The following CERS6 variants were observed in gnomAD, a reference collection of about 807,000 sequenced individuals.
CERS6 encodes ceramide synthase 6, also known as LAG1 homolog, ceramide synthase 6.
In CERS6, 26 loss-of-function variants were observed where a neutral mutation model predicts 56.8. The ratio of observed to expected loss-of-function variants is 0.46; its 90% CI spans 0.34 to 0.63. The LOEUF is 0.63. Ranked by LOEUF, CERS6 falls within the 30% of genes least tolerant of loss-of-function variation. The pLI, the probability that CERS6 is intolerant of heterozygous loss-of-function variation, is 0.01. For synonymous variants in CERS6, 164 were observed against 173.3 expected, an observed-to-expected ratio of 0.95 and a Z score of 0.42; for missense variants, 415 against 467.5, an observed-to-expected ratio of 0.89 and a Z score of 1.04.
intron 4 of CERS6, among the ~76,000 whole-genome samples, chr2:168,655,692 A>G (rs1189724113): frequency 1.3e-5 from 2 of 152,256 alleles, no homozygotes; most frequent in Non-Finnish European, 2.9e-5. Flanking sequence ...TACAGAGAAT[A>G]AAACAGCAGC....
chr2:168,714,152 C>G (rs1192322651), intron 6 of CERS6, among the ~76,000 whole-genome samples: 1 of 152,140 alleles, frequency 6.6e-6, no homozygotes, highest in Non-Finnish European at 1.5e-5. Context: ...TCTGGGGTCC[C>G]TTTTACAAGG....
intron 2 of CERS6, among the ~76,000 whole-genome samples, chr2:168,556,385 T>C (rs932463023): frequency 1.3e-5 from 2 of 152,156 alleles, no homozygotes; most frequent in Non-Finnish European, 2.9e-5. Flanking sequence ...TACATCACAC[T>C]CCATGGATGC....
intron 4 of CERS6, among the ~76,000 whole-genome samples, chr2:168,669,192 A>G (rs1685845961): frequency 1.3e-5 from 2 of 152,256 alleles, no homozygotes; most frequent in African/African-American, 4.8e-5. Flanking sequence ...CCACATTGGT[A>G]CACAGCTTCT....
At chr2:168,493,026 A>G (rs1466532524) in intron 1 of CERS6, among the ~76,000 whole-genome samples, 1 of 152,116 alleles carries the variant, frequency 6.6e-6, no homozygotes, top group East Asian at 1.9e-4. Context: ...TTTAGAATGT[A>G]TACTTCTGTC....
chr2:168,604,087 A>AGTCATTC (rs1683995832), intron 3 of CERS6, among the ~76,000 whole-genome samples: 2 of 152,346 alleles, frequency 1.3e-5, no homozygotes, highest in South Asian at 4.1e-4. Context: ...TGTTTGAGGG[A>AGTCATTC]GTCATTCTCA....
At chr2:168,742,103 G>T (rs1183956214) in intron 8 of CERS6, among the ~76,000 whole-genome samples, 2 of 152,186 alleles carry the variant, frequency 1.3e-5, no homozygotes, top group African/African-American at 4.8e-5. Flanking sequence ...CATTTCATTG[G>T]TGTTGCAGTT....
At position 168,709,746 on chromosome 2, in the gene CERS6, T is replaced by C. The variant is rs1687042441; in HGVS notation, c.610-5255T>C. Among the ~76,000 whole-genome samples the C allele has an allele frequency of 2.0e-5, 3 of 152,190 alleles. 1 individual carries two copies. The South Asian group carries it at 6.2e-4, about 31-fold the overall frequency. ...TTTCAGCCATGACTGTGTCTATGTG[T>C]GCACTAATCACTTTCAGCAGTTGCA... On this transcript the variant is annotated intron_variant, in intron 6 of 9. Coordinates refer to ENST00000305747, the MANE Select transcript of CERS6 (RefSeq NM_203463.3).
At chr2:168,722,240 T>C (rs1683201989) in intron 8 of CERS6, among the ~76,000 whole-genome samples, 1 of 152,240 alleles carries the variant, frequency 6.6e-6, no homozygotes, top group African/African-American at 2.4e-5. Context: ...TACTGAGGGT[T>C]GTCTTTCACT....
At chr2:168,695,141 C>G in intron 6 of CERS6, 90 bp downstream of exon 6, 1 of 917,834 alleles carries the variant, frequency 1.1e-6, no homozygotes, top group Non-Finnish European at 1.8e-6. Context: ...GCACTCACCC[C>G]TGTTCTCCTG....
chr2:168,649,213 C>T (rs1469953043), intron 4 of CERS6, among the ~76,000 whole-genome samples: 2 of 152,088 alleles, frequency 1.3e-5, no homozygotes, highest in Non-Finnish European at 2.9e-5. Context: ...TGATCCTCTC[C>T]CTGGCCCTCC....
intron 1 of CERS6, among the ~76,000 whole-genome samples, chr2:168,533,830 C>G (rs1387991542): frequency 1.3e-5 from 2 of 152,040 alleles, no homozygotes; most frequent in African/African-American, 4.8e-5. Context: ...TTCCATTCTC[C>G]CCATGTCCTT....
intron 2 of CERS6, 100 bp from the exon 3 acceptor site, chr2:168,561,092 T>C (rs1457226681): frequency 1.6e-5 from 20 of 1,282,112 alleles, no homozygotes; most frequent in Non-Finnish European, 2.1e-5. Flanking sequence ...TAGTAAACAA[T>C]AGGGGGAAAA....
At chr2:168,600,214 T>C (rs200868655) in intron 3 of CERS6, among the ~76,000 whole-genome samples, 1 of 73,860 alleles carries the variant, frequency 1.4e-5, no homozygotes, top group African/African-American at 4.3e-5. Context: ...CTCTCTCTTT[T>C]TTTTTTTTTA....
chr2:168,724,315 C>A (rs1683277659), intron 8 of CERS6, among the ~76,000 whole-genome samples: 1 of 152,132 alleles, frequency 6.6e-6, no homozygotes, highest in Non-Finnish European at 1.5e-5. Context: ...AGTGTTACAG[C>A]TCATAAAAGC....
chr2:168,483,590 G>A (rs531528915), intron 1 of CERS6, among the ~76,000 whole-genome samples: 2 of 152,284 alleles, frequency 1.3e-5, no homozygotes, highest in South Asian at 4.2e-4. Context: ...TAGGGAAGCA[G>A]GGATCAAGAG....
Position 168,700,543 on chromosome 2 carries a change from G to A in CERS6, c.609+5492G>A, listed in dbSNP as rs1267086122. Among the ~76,000 whole-genome samples the A allele has an allele frequency of 2.6e-5, 4 of 152,076 alleles. No individual in the cohort carries two copies. In the East Asian group the frequency reaches 5.8e-4, roughly 22 times the overall value. The stretch of plus-strand genomic sequence containing the variant: ...AGAAAGGTTACATATTGTAATAAAG[G>A]ACAATCCTTTAAATTTATCATTAAG... On this transcript the variant is annotated intron_variant, in intron 6 of 9. Coordinates refer to ENST00000305747, the MANE Select transcript of CERS6 (RefSeq NM_203463.3).
chr2:168,541,553 G>A (rs4668071), intron 1 of CERS6, among the ~76,000 whole-genome samples: 141,111 of 151,880 alleles, frequency 0.93, 65,992 homozygotes, highest in Non-Finnish European at 0.99. Context: ...CTTAGAGTGG[G>A]TCATATTTTA....
intron 8 of CERS6, among the ~76,000 whole-genome samples, chr2:168,763,240 C>CTTTTTT (rs756952701): frequency 1.9e-5 from 2 of 105,902 alleles, no homozygotes; most frequent in Non-Finnish European, 3.6e-5. Flanking sequence ...CTCTCTCTCT[C>CTTTTTT]TTTTTTTTTT....
chr2:168,743,418 T>TC (rs1414089330), intron 8 of CERS6, among the ~76,000 whole-genome samples: 14 of 152,102 alleles, frequency 9.2e-5, no homozygotes, highest in Non-Finnish European at 2.1e-4. Flanking sequence ...GCTGATCACT[T>TC]GAGCCTAGGC....
Sources: allele counts gnomAD v4.1 joint callset (sites outside exome capture counted in the v4.1 genomes callset), GRCh38; gene constraint gnomAD v4.1.1; transcripts MANE v1.5; gene names NCBI Gene and HGNC (gene_info 2026-07-23, HGNC 2026-07-21).